BAIAP2: variants seen among roughly 807,000 people sequenced by gnomAD.
The protein encoded by BAIAP2 is BAR/IMD domain-containing adapter protein 2.
BAIAP2 carries 18 observed loss-of-function variants against 63.0 expected under a neutral mutation model. The ratio of observed to expected loss-of-function variants is 0.29; its 90% CI spans 0.20 to 0.42. BAIAP2 has a LOEUF of 0.42. Among genes scored for constraint, BAIAP2 ranks in the 10% least tolerant of loss-of-function variants. The pLI is 1.00. For synonymous variants in BAIAP2, 386 were observed against 307.6 expected (o/e 1.25, Z -2.67); for missense variants, 610 against 734.3 (o/e 0.83, Z 1.96).
chr17:81,035,188 T>C lies in BAIAP2; in HGVS notation c.-67T>C, dbSNP rs1385321830. ...CGCTTTCGTCTCCGTCCTGCTGCCGTTACCGCCGCTGCTGCCGCCGCTTGC... is the reference window on the plus strand; with the variant it reads ...CGCTTTCGTCTCCGTCCTGCTGCCGCTACCGCCGCTGCTGCCGCCGCTTGC... On this transcript the variant is annotated 5_prime_UTR_variant, in exon 1 of 14. Transcript: ENST00000428708. 8 of 1,338,374 alleles carry C rather than the reference T, an allele frequency of 6.0e-6. No homozygotes were observed. The highest frequency in any genetic ancestry group is 8.0e-6 in the Non-Finnish European group (8 of 1,003,458). The allele number at this position is 1,338,374 out of a possible 1,614,324, so 82.9% of individuals were successfully genotyped here.
At chr17:81,035,647 C>T (rs1671585129) in intron 1 of BAIAP2, among the ~76,000 whole-genome samples, 1 of 151,326 alleles carries the variant, frequency 6.6e-6, no homozygotes, top group African/African-American at 2.4e-5. Flanking sequence ...GGAACGGAGC[C>T]GCGCGCCGGG....
At chr17:81,067,014 G>A (rs2051597458) in intron 3 of BAIAP2, among the ~76,000 whole-genome samples, 1 of 152,226 alleles carries the variant, frequency 6.6e-6, no homozygotes, top group Admixed American at 6.5e-5. Context: ...TCCCCGAGGG[G>A]GCCTGACACG....
intron 6 of BAIAP2, among the ~76,000 whole-genome samples, chr17:81,088,242 ACTTTCCTGGGAATGT>A (rs2056066658): frequency 6.6e-6 from 1 of 151,896 alleles, no homozygotes; most frequent in Non-Finnish European, 1.5e-5. Context: ...CTTAAGGGGG[ACTTTCCTGGGAATGT>A]CCCCAGCTTG....
intron 13 of BAIAP2, chr17:81,109,958 A>G (rs2059705379): frequency 1.0e-6 from 1 of 985,356 alleles, no homozygotes; most frequent in Non-Finnish European, 1.2e-6. Context: ...CCTGGGGGAA[A>G]CAGGCGGTTC....
chr17:81,094,766 C>CT (rs1397101322), intron 6 of BAIAP2, among the ~76,000 whole-genome samples: 5 of 152,196 alleles, frequency 3.3e-5, no homozygotes, highest in Non-Finnish European at 7.3e-5. Context: ...CCATGTGCTA[C>CT]TTGGGGCACC....
chr17:81,110,765 A>G, intron 13 of BAIAP2: 7 of 1,246,098 alleles, frequency 5.6e-6, no homozygotes, highest in Non-Finnish European at 8.1e-6. Context: ...GGCGCCGTCC[A>G]GGGAGAGCCA....
At chr17:81,103,753 G>A (rs1043838592) in intron 8 of BAIAP2, 30 bp downstream of exon 8, 12 of 1,572,822 alleles carry the variant, frequency 7.6e-6, no homozygotes, top group East Asian at 6.7e-5. Flanking sequence ...AAAGCTTCAC[G>A]GGTGTGGGTG....
At chr17:81,084,512 G>A (rs758510845) in intron 3 of BAIAP2, among the ~76,000 whole-genome samples, 3 of 152,148 alleles carry the variant, frequency 2.0e-5, no homozygotes, top group Non-Finnish European at 4.4e-5. Context: ...GCGTGTTTGC[G>A]CTCACTGTCA....
chr17:81,053,266 C>T (rs1368893548), intron 1 of BAIAP2: 7 of 191,018 alleles, frequency 3.7e-5, no homozygotes, highest in Non-Finnish European at 7.6e-5. Context: ...GTGCCGGCGT[C>T]GTTGAGCGAT....
intron 1 of BAIAP2, among the ~76,000 whole-genome samples, chr17:81,038,907 G>T (rs567929689): frequency 0.01 from 1,510 of 147,886 alleles, 30 homozygotes; most frequent in African/African-American, 0.034. Flanking sequence ...GGGTGGGGGG[G>T]GCAGCAGACC....
Position 81,108,453 on chromosome 17 carries a change from A to G in BAIAP2, c.1501-22A>G, listed in dbSNP as rs375029878. 84 of 1,613,474 alleles carry G rather than the reference A, an allele frequency of 5.2e-5. No individual in the cohort carries two copies. The Admixed American group carries it at 1.1e-3, about 20-fold the overall frequency. Reference sequence around the variant, plus strand: ...CACAGGCCCCGTCACCCGGCCTGACATGTTTCTGCCTCTGCCCCCAGGGCC... The same window carrying G: ...CACAGGCCCCGTCACCCGGCCTGACGTGTTTCTGCCTCTGCCCCCAGGGCC... On this transcript the variant is annotated intron_variant, in intron 12 of 13. Coordinates refer to ENST00000428708, the MANE Select transcript of BAIAP2 (RefSeq NM_001144888.2).
At chr17:81,115,635 C>A in intron 13 of BAIAP2, 135 bp from the exon 14 acceptor site, 1 of 1,059,522 alleles carries the variant, frequency 9.4e-7, no homozygotes, top group South Asian at 1.4e-5. Flanking sequence ...CGTATATTGT[C>A]TGTGAGCTCT....
chr17:81,050,190 C>T (rs114227601), intron 1 of BAIAP2, among the ~76,000 whole-genome samples: 7,044 of 152,346 alleles, frequency 0.046, 174 homozygotes, highest in Non-Finnish European at 0.058. Flanking sequence ...GGAACTGGCC[C>T]TTCCGCCCGC....
intron 1 of BAIAP2, among the ~76,000 whole-genome samples, chr17:81,051,215 ACGTG>A (rs2048631111): frequency 6.6e-6 from 1 of 151,906 alleles, no homozygotes; most frequent in Non-Finnish European, 1.5e-5. Context: ...CCTGCGTGGT[ACGTG>A]CCTCTCTGCT....
chr17:81,065,956 C>T (rs1416281354), intron 3 of BAIAP2, among the ~76,000 whole-genome samples: 1 of 152,240 alleles, frequency 6.6e-6, no homozygotes, highest in South Asian at 2.1e-4. Context: ...TTGCAGTGAG[C>T]GGGGCCGCAG....
chr17:81,099,233 TC>T (rs2058156423), intron 6 of BAIAP2, among the ~76,000 whole-genome samples: 1 of 151,710 alleles, frequency 6.6e-6, no homozygotes, highest in Non-Finnish European at 1.5e-5. Flanking sequence ...CGAACTTCCT[TC>T]TCACGTTCTC....
chr17:81,064,970 C>G (rs533198114), intron 3 of BAIAP2, among the ~76,000 whole-genome samples: 102 of 152,368 alleles, frequency 6.7e-4, no homozygotes, highest in African/African-American at 2.4e-3. Context: ...ACTTGGCTGT[C>G]TGCTGGCTGA....
At chr17:81,098,102 C>CG (rs1425036237) in intron 6 of BAIAP2, 16 of 1,364,658 alleles carry the variant, frequency 1.2e-5, no homozygotes, top group Admixed American at 2.9e-5. Context: ...GAGGGGCCAG[C>CG]GGGGGGTGGG....
chr17:81,086,611 T>A (rs2055687450), intron 6 of BAIAP2, 31 bp downstream of exon 6: 5 of 1,611,032 alleles, frequency 3.1e-6, no homozygotes, highest in Non-Finnish European at 4.2e-6. Context: ...GTGGTGCCTC[T>A]CCTGCCACCT....
Sources: gnomAD v4.1 joint callset for allele counts (sites outside exome capture counted in the v4.1 genomes callset) on GRCh38, gnomAD v4.1.1 for gene constraint, MANE v1.5 for transcripts, NCBI Gene and HGNC (gene_info 2026-07-23, HGNC 2026-07-21) for gene names.